Variants in ATP8A2 observed in about 807,000 individuals in gnomAD.
The protein encoded by ATP8A2 is phospholipid-transporting ATPase IB.
ATP8A2 carries 100 observed loss-of-function variants against 165.6 expected under a neutral mutation model. The observed-to-expected ratio is 0.60, with a 90% CI of 0.51 to 0.71. The LOEUF (loss-of-function observed/expected upper bound fraction) is 0.71. Among genes scored for constraint, ATP8A2 ranks in the 30% least tolerant of loss-of-function variants. ATP8A2 has a pLI of 0.00. For synonymous variants in ATP8A2, 543 were observed against 548.8 expected (o/e 0.99, Z 0.15); for missense variants, 1,227 against 1,479.5 (o/e 0.83, Z 2.80).
chr13:25,994,494 T>A (rs1270304788), intron 35 of ATP8A2, among the ~76,000 whole-genome samples: 1 of 152,164 alleles, frequency 6.6e-6, no homozygotes, highest in Non-Finnish European at 1.5e-5. Context: ...TCATAAAGTG[T>A]GGTGCTAGCT....
chr13:25,621,036 T>C (rs1405249439), intron 24 of ATP8A2, among the ~76,000 whole-genome samples: 1 of 152,174 alleles, frequency 6.6e-6, no homozygotes, highest in African/African-American at 2.4e-5. Flanking sequence ...GGATTATTGA[T>C]GTTGCCGTTG....
At chr13:25,662,703 T>C (rs896605087) in intron 24 of ATP8A2, among the ~76,000 whole-genome samples, 7 of 152,164 alleles carry the variant, frequency 4.6e-5, no homozygotes, top group African/African-American at 1.7e-4. Context: ...AATGAGCCCT[T>C]GGCAACATTG....
At chr13:25,842,555 C>T (rs887961893) in intron 30 of ATP8A2, among the ~76,000 whole-genome samples, 7 of 151,874 alleles carry the variant, frequency 4.6e-5, no homozygotes, top group Admixed American at 1.3e-4. Context: ...ACCTATAATC[C>T]CAGCTACATG....
intron 35 of ATP8A2, among the ~76,000 whole-genome samples, chr13:26,006,433 T>C (rs992677974): frequency 1.2e-4 from 19 of 152,100 alleles, no homozygotes; most frequent in African/African-American, 4.3e-4. Flanking sequence ...TTCTTCATCA[T>C]ATAAGATCAT....
At chr13:26,012,655 TGGGTGTCGGTGCGGGGCGG>T in intron 36 of ATP8A2, 33 bp downstream of exon 36, 11 of 1,194,506 alleles carry the variant, frequency 9.2e-6, no homozygotes, top group Non-Finnish European at 1.2e-5. Flanking sequence ...GATGGAGGAG[TGGGTGTCGGTGCGGGGCGG>T]GGGTTGATGA....
At chr13:25,564,128 C>A in intron 16 of ATP8A2, 97 bp downstream of exon 16, 1 of 876,540 alleles carries the variant, frequency 1.1e-6, no homozygotes, top group Non-Finnish European at 1.9e-6. Flanking sequence ...AGTTTTAGAG[C>A]ATGGGAAAAG....
At chr13:25,643,541 C>T (rs1461018445) in intron 24 of ATP8A2, among the ~76,000 whole-genome samples, 1 of 152,018 alleles carries the variant, frequency 6.6e-6, no homozygotes, top group Non-Finnish European at 1.5e-5. Context: ...TGTCCTTTTC[C>T]CTATTTGTAT....
intron 25 of ATP8A2, among the ~76,000 whole-genome samples, chr13:25,711,068 G>A (rs796397724): frequency 5.9e-5 from 9 of 152,086 alleles, no homozygotes; most frequent in Non-Finnish European, 8.8e-5. Context: ...GCTGTGGTGC[G>A]AACTCAGCTC....
chr13:25,991,907 T>C (rs1248952134), intron 35 of ATP8A2, among the ~76,000 whole-genome samples: 3 of 114,794 alleles, frequency 2.6e-5, no homozygotes, highest in Non-Finnish European at 5.2e-5. Context: ...AGTTTTACTT[T>C]TAGGTTTTTT....
chr13:25,472,836 C>T (rs1438702772), intron 2 of ATP8A2, among the ~76,000 whole-genome samples: 1 of 152,208 alleles, frequency 6.6e-6, no homozygotes, highest in East Asian at 1.9e-4. Flanking sequence ...CTCTCCCCTA[C>T]TTTCCTCAAC....
At position 25,380,867 on chromosome 13, in the gene ATP8A2, C is replaced by T. The variant is rs1010802661; in HGVS notation, c.76+8579C>T. ...TACCAGTGTGAAAGAACTAAAGCCA[C>T]GTCTTTGGATTCCCCAAGTATTAAA... On this transcript the variant is annotated intron_variant, in intron 1 of 36. Coordinates refer to ENST00000381655, the MANE Select transcript of ATP8A2 (RefSeq NM_016529.6). Among the ~76,000 whole-genome samples the T allele has an allele frequency of 3.9e-5, 6 of 152,282 alleles. No homozygotes were observed. In the East Asian group the frequency reaches 7.7e-4, roughly 20 times the overall value.
chr13:25,840,564 C>T (rs571519066), intron 30 of ATP8A2, among the ~76,000 whole-genome samples: 2 of 152,298 alleles, frequency 1.3e-5, no homozygotes, highest in East Asian at 3.9e-4. Context: ...GTTCATAAGT[C>T]TTTAAATCAG....
rs534446106 is a variant in ATP8A2, at chr13:26,021,981, G to T, written c.*1996G>T. On this transcript the variant is annotated 3_prime_UTR_variant, in exon 37 of 37. Coordinates refer to ENST00000381655, the MANE Select transcript of ATP8A2 (RefSeq NM_016529.6). ...TCATCCTCACTTATGAGGTGACCAGGATGCAGAGAGGGCCTGAGGGGCAGC... is the reference window on the plus strand; with the variant it reads ...TCATCCTCACTTATGAGGTGACCAGTATGCAGAGAGGGCCTGAGGGGCAGC... 2 of 152,334 alleles carry T rather than the reference G, an allele frequency of 1.3e-5. No homozygotes were observed. The highest frequency in any genetic ancestry group is 4.8e-5 in the African/African-American group (2 of 41,574). 9.4% of individuals were successfully genotyped at this position (152,334 alleles called of 1,614,324 possible). A position where few individuals can be genotyped will look rare whatever the true frequency, so the allele number is the denominator to read the frequency against.
intron 2 of ATP8A2, among the ~76,000 whole-genome samples, chr13:25,519,703 C>T (rs1482616801): frequency 1.3e-5 from 2 of 152,164 alleles, no homozygotes; most frequent in African/African-American, 4.8e-5. Flanking sequence ...AGCTAAAGCC[C>T]CTCCTTGCTG....
chr13:25,912,697 T>A (rs577732887), intron 33 of ATP8A2, among the ~76,000 whole-genome samples: 1 of 152,346 alleles, frequency 6.6e-6, no homozygotes, highest in Non-Finnish European at 1.5e-5. Context: ...AAATTTTTTT[T>A]AATTAACTGT....
intron 35 of ATP8A2, among the ~76,000 whole-genome samples, chr13:26,009,760 A>G (rs937029245): frequency 1.3e-5 from 2 of 152,196 alleles, no homozygotes; most frequent in Non-Finnish European, 2.9e-5. Flanking sequence ...AAGAAGTCAC[A>G]TTTTTAAATA....
chr13:25,537,921 CT>C (rs2038340464), intron 6 of ATP8A2, 66 bp from the exon 7 acceptor site: 28 of 1,145,796 alleles, frequency 2.4e-5, no homozygotes, highest in South Asian at 5.7e-5. Context: ...ATTTAAGCAC[CT>C]TTTTCACCAT....
chr13:25,763,138 C>T (rs1204696464), intron 25 of ATP8A2, among the ~76,000 whole-genome samples: 3 of 152,176 alleles, frequency 2.0e-5, no homozygotes, highest in Non-Finnish European at 4.4e-5. Context: ...TAGAAACGCT[C>T]ATCCCTGAAA....
rs144617000 is a variant in ATP8A2 at position 25,421,379 on chromosome 13, G to C, written c.77-47598G>C. 4.8e-3 allele frequency among the ~76,000 whole-genome samples: 738 copies of C among 152,232 alleles called. 6 individuals carry two copies. The highest frequency in any genetic ancestry group is 0.017 in the African/African-American group (713 of 41,542). ...AGTCAGGGTCTCTCTCTGTTGCCCA[G>C]GCTCAAGTGCAGTGGCATGATCATA... On this transcript the variant is annotated intron_variant, in intron 1 of 36. Coordinates refer to ENST00000381655, the MANE Select transcript of ATP8A2 (RefSeq NM_016529.6).
Sources: gnomAD v4.1 joint callset for allele counts (sites outside exome capture counted in the v4.1 genomes callset) on GRCh38, gnomAD v4.1.1 for gene constraint, MANE v1.5 for transcripts, NCBI Gene and HGNC (gene_info 2026-07-23, HGNC 2026-07-21) for gene names.